The following AGBL4 variants were observed in gnomAD, a reference collection of about 807,000 sequenced individuals.
AGBL4 encodes cytosolic carboxypeptidase 6.
AGBL4 carries 58 observed loss-of-function variants against 66.4 expected under a neutral mutation model. The observed-to-expected ratio is 0.87, with a 90% CI of 0.71 to 1.09. The LOEUF is 1.09. AGBL4 is among the 50% of genes least tolerant of loss of function. The probability of loss-of-function intolerance (pLI) is 0.00; values close to 1 mark genes in which losing one functional copy is unlikely to be tolerated. For synonymous variants in AGBL4, 234 were observed against 222.9 expected, an observed-to-expected ratio of 1.05 and a Z score of -0.44; for missense variants, 579 against 631.0, an observed-to-expected ratio of 0.92 and a Z score of 0.88.
chr1:49,496,365 G>A (rs764300701), intron 3 of AGBL4, among the ~76,000 whole-genome samples: 4 of 151,864 alleles, frequency 2.6e-5, no homozygotes, highest in South Asian at 2.1e-4. Context: ...AAAGCCTCAC[G>A]TACTTATTTT....
At chr1:48,671,574 TC>T (rs1337784328) in intron 6 of AGBL4, among the ~76,000 whole-genome samples, 2 of 152,226 alleles carry the variant, frequency 1.3e-5, no homozygotes, top group Non-Finnish European at 2.9e-5. Flanking sequence ...AATAATAGTA[TC>T]AAACTCATAA....
rs568374062 is a variant in AGBL4 at position 49,337,162 on chromosome 1, A to G, written c.283-91298T>C. On this transcript the variant is annotated intron_variant, in intron 3 of 13. Transcript: ENST00000371839. ...TTCAGAGATAACTGAGATGGCATGT[A>G]AAGCACCTAAACATGGTTATCTTCT... 5.9e-5 allele frequency among the ~76,000 whole-genome samples: 9 copies of G among 152,306 alleles called. No individual in the cohort carries two copies. The South Asian group carries it at 1.9e-3, about 32-fold the overall frequency.
At chr1:49,395,533 AGTGTGTGTGTGT>A (rs149386987) in intron 3 of AGBL4, among the ~76,000 whole-genome samples, 7 of 139,354 alleles carry the variant, frequency 5.0e-5, no homozygotes, top group Non-Finnish European at 7.8e-5. Flanking sequence ...GCCAAACACT[AGTGTGTGTGTGT>A]GTGTGTGTGT....
intron 5 of AGBL4, among the ~76,000 whole-genome samples, chr1:48,879,137 C>A (rs1188860819): frequency 6.6e-6 from 1 of 151,630 alleles, no homozygotes; most frequent in Non-Finnish European, 1.5e-5. Flanking sequence ...TAATAACAAC[C>A]CATAATTAAA....
At chr1:49,111,020 T>C (rs1268553635) in intron 4 of AGBL4, among the ~76,000 whole-genome samples, 1 of 152,156 alleles carries the variant, frequency 6.6e-6, no homozygotes, top group African/African-American at 2.4e-5. Context: ...GTCTTCAATG[T>C]CTTCTAATGT....
intron 6 of AGBL4, among the ~76,000 whole-genome samples, chr1:48,810,478 G>A (rs74714545): frequency 0.025 from 3,832 of 152,152 alleles, 143 homozygotes; most frequent in African/African-American, 0.088. Context: ...GATCATCTTG[G>A]GTTTCAATCC....
At chr1:48,873,849 T>C (rs968303940) in intron 5 of AGBL4, among the ~76,000 whole-genome samples, 1 of 151,878 alleles carries the variant, frequency 6.6e-6, no homozygotes, top group Non-Finnish European at 1.5e-5. Flanking sequence ...TAGTTACGAG[T>C]CTATGGTTAA....
chr1:49,010,017 A>T (rs1422780049), intron 5 of AGBL4, among the ~76,000 whole-genome samples: 1 of 152,202 alleles, frequency 6.6e-6, no homozygotes, highest in Non-Finnish European at 1.5e-5. Flanking sequence ...TAGTGATGGT[A>T]GTTCTGGCCA....
chr1:48,592,320 TCTCC>T, intron 9 of AGBL4, among the ~76,000 whole-genome samples: 1 of 152,280 alleles, frequency 6.6e-6, no homozygotes, highest in South Asian at 2.1e-4. Context: ...TTAGAAGGAT[TCTCC>T]CTCCTTGGGA....
At chr1:49,656,619 C>T (rs1290019669) in intron 3 of AGBL4, among the ~76,000 whole-genome samples, 2 of 152,166 alleles carry the variant, frequency 1.3e-5, no homozygotes, top group African/African-American at 2.4e-5. Flanking sequence ...AAAATACTGG[C>T]AAACCGAATC....
intron 6 of AGBL4, among the ~76,000 whole-genome samples, chr1:48,787,527 A>C (rs1363503678): frequency 2.0e-5 from 3 of 152,342 alleles, no homozygotes; most frequent in Non-Finnish European, 4.4e-5. Flanking sequence ...CCAATATAAA[A>C]AAATCCTTTC....
At chr1:48,597,891 AGG>A (rs1645019829) in intron 9 of AGBL4, among the ~76,000 whole-genome samples, 1 of 151,462 alleles carries the variant, frequency 6.6e-6, no homozygotes, top group Non-Finnish European at 1.5e-5. Context: ...AAAAAGAAAG[AGG>A]GAGGGAGGGA....
intron 11 of AGBL4, among the ~76,000 whole-genome samples, chr1:48,550,512 A>C (rs1002555527): frequency 6.6e-6 from 1 of 152,174 alleles, no homozygotes; most frequent in Non-Finnish European, 1.5e-5. Flanking sequence ...CAGATAATCC[A>C]GGATAGTCTC....
intron 5 of AGBL4, among the ~76,000 whole-genome samples, chr1:49,012,220 G>A (rs910608068): frequency 2.9e-4 from 44 of 152,126 alleles, no homozygotes; most frequent in African/African-American, 8.2e-4. Flanking sequence ...AAGATGACAC[G>A]GATAACAGTG....
chr1:49,411,994 T>C (rs1645325499), intron 3 of AGBL4, among the ~76,000 whole-genome samples: 1 of 152,130 alleles, frequency 6.6e-6, no homozygotes, highest in Non-Finnish European at 1.5e-5. Context: ...AAGTACAAAG[T>C]TTTTCTAGAC....
At chr1:49,368,194 T>C (rs1011781655) in intron 3 of AGBL4, among the ~76,000 whole-genome samples, 2 of 152,210 alleles carry the variant, frequency 1.3e-5, no homozygotes, top group Non-Finnish European at 2.9e-5. Context: ...ACCCTTTGTC[T>C]ATTGTGAATA....
intron 6 of AGBL4, among the ~76,000 whole-genome samples, chr1:48,762,098 T>C (rs2148663812): frequency 6.6e-6 from 1 of 152,246 alleles, no homozygotes; most frequent in East Asian, 1.9e-4. Context: ...TCCAACTCGC[T>C]CATGTTACAT....
chr1:49,634,870 TGAGAA>T (rs1645641502), intron 3 of AGBL4, among the ~76,000 whole-genome samples: 1 of 152,166 alleles, frequency 6.6e-6, no homozygotes, highest in Non-Finnish European at 1.5e-5. Context: ...TGCGAAAAAA[TGAGAA>T]GAGGCTACTT....
intron 6 of AGBL4, among the ~76,000 whole-genome samples, chr1:48,852,086 G>A (rs961072358): frequency 1.5e-5 from 2 of 132,754 alleles, no homozygotes; most frequent in Non-Finnish European, 3.1e-5. Flanking sequence ...GCCCTATGAA[G>A]TCAATATTAT....
Sources: allele counts gnomAD v4.1 joint callset (sites outside exome capture counted in the v4.1 genomes callset), GRCh38; gene constraint gnomAD v4.1.1; transcripts MANE v1.5; gene names NCBI Gene and HGNC (gene_info 2026-07-23, HGNC 2026-07-21).